Variants in ZMYND11 observed in about 807,000 individuals in gnomAD.
ZMYND11 encodes zinc finger MYND-type containing 11, also known as zinc finger MYND domain-containing protein 11.
In ZMYND11, 9 loss-of-function variants were observed where a neutral mutation model predicts 84.9. The observed-to-expected ratio is 0.11, with a 90% CI of 0.06 to 0.18. The LOEUF is 0.18. Ranked by LOEUF, ZMYND11 falls within the 10% of genes least tolerant of loss-of-function variation. The probability of loss-of-function intolerance (pLI) is 1.00; values close to 1 mark genes in which losing one functional copy is unlikely to be tolerated. For missense variants in ZMYND11, 409 were observed against 761.0 expected (o/e 0.54, Z 5.44); for synonymous variants, 250 against 244.1 (o/e 1.02, Z -0.23).
chr10:193,785 A>G (rs1165653200), intron 2 of ZMYND11, among the ~76,000 whole-genome samples: 1 of 152,134 alleles, frequency 6.6e-6, no homozygotes, highest in Non-Finnish European at 1.5e-5. Flanking sequence ...GGTCACTGTG[A>G]TTAGCTTTGC....
chr10:160,288 T>A (rs1328033666), intron 1 of ZMYND11, among the ~76,000 whole-genome samples: 1 of 152,236 alleles, frequency 6.6e-6, no homozygotes, highest in African/African-American at 2.4e-5. Context: ...ACAACAGTTA[T>A]GTCTAACAAG....
At chr10:141,242 T>C (rs1012641429) in intron 1 of ZMYND11, among the ~76,000 whole-genome samples, 4 of 152,222 alleles carry the variant, frequency 2.6e-5, no homozygotes, top group Non-Finnish European at 2.9e-5. Context: ...TATGCAATTT[T>C]AATATCTTGA....
At chr10:196,083 G>GTT (rs1941664873) in intron 2 of ZMYND11, among the ~76,000 whole-genome samples, 1 of 152,168 alleles carries the variant, frequency 6.6e-6, no homozygotes, top group Non-Finnish European at 1.5e-5. Context: ...CCATTCCACT[G>GTT]TTTTAGGTAA....
In ZMYND11 at chr10:196,012, A is replaced by G. The variant is rs1941639289; in HGVS notation, c.117-13877A>G. On this transcript the variant is annotated intron_variant, in intron 2 of 14. Coordinates refer to ENST00000381604, the MANE Select transcript of ZMYND11 (RefSeq NM_001370100.5). ...AGGATTAATTGTTCTGCATTGTCTA[A>G]TCACTGTTGTACTGTTCCCTGATGA... 2.0e-5 allele frequency among the ~76,000 whole-genome samples: 3 copies of G among 152,176 alleles called. 1 individual carries two copies. The highest frequency in any genetic ancestry group is 4.1e-4 in the South Asian group (2 of 4,830).
At position 246,823 on chromosome 10, in the gene ZMYND11, C is replaced by A. The variant is rs150625727; in HGVS notation, c.1008C>A (p.His336Gln). 5 of 1,613,972 alleles carry A rather than the reference C, an allele frequency of 3.1e-6. No homozygotes were observed. The highest frequency in any genetic ancestry group is 4.2e-6 in the Non-Finnish European group (5 of 1,180,036). The change falls in exon 11 of 15, where the codon CAC becomes CAA. Residue 336 changes from histidine (H) to glutamine (Q), a missense_variant. Physicochemically the swap from His to Gln is conservative, Grantham distance 24 (BLOSUM62 0). Around this residue, in one of 7 missense-constraint regions of ZMYND11, gnomAD observed 48 missense variants for 61.1 expected, o/e 0.79. Coordinates refer to ENST00000381604, the MANE Select transcript of ZMYND11 (RefSeq NM_001370100.5). ...QDITVNIHRL[H>Q]VKRSMGWKKA... Reference sequence around the variant, plus strand: ...TCACAGTCAACATTCATCGGCTGCACGTGAAGCGCAGTATGGGTTGGAAAA... The same window carrying A: ...TCACAGTCAACATTCATCGGCTGCAAGTGAAGCGCAGTATGGGTTGGAAAA...
chr10:160,929 C>T (rs1223670973), intron 1 of ZMYND11, among the ~76,000 whole-genome samples: 7 of 146,848 alleles, frequency 4.8e-5, no homozygotes, highest in African/African-American at 1.8e-4. Flanking sequence ...TTAATAAGAC[C>T]TGAAAGTTGA....
At chr10:161,201 T>TA (rs1345743532) in intron 1 of ZMYND11, among the ~76,000 whole-genome samples, 5 of 152,184 alleles carry the variant, frequency 3.3e-5, no homozygotes, top group Non-Finnish European at 5.9e-5. Flanking sequence ...AATCTCCCTG[T>TA]ACATCTCCAT....
Position 232,809 on chromosome 10 carries a change from C to T in ZMYND11, c.439-4029C>T, listed in dbSNP as rs183103283. 1.2e-3 allele frequency among the ~76,000 whole-genome samples: 180 copies of T among 152,316 alleles called. 1 individual carries two copies. Among genetic ancestry groups the T allele is most frequent in the African/African-American group, 4.2e-3 (176 of 41,584 alleles). On this transcript the variant is annotated intron_variant, in intron 4 of 14. Coordinates refer to ENST00000381604, the MANE Select transcript of ZMYND11 (RefSeq NM_001370100.5). ...CTGTAATAACTGAAGAAAAAACCAA[C>T]CCAAATACTTAAAACATAACTCCCA...
intron 4 of ZMYND11, among the ~76,000 whole-genome samples, chr10:233,813 C>T (rs1949437505): frequency 6.6e-6 from 1 of 152,200 alleles, no homozygotes; most frequent in South Asian, 2.1e-4. Context: ...TTAATTAAGG[C>T]ACTCAGCATG....
intron 1 of ZMYND11, among the ~76,000 whole-genome samples, chr10:143,024 C>T (rs1299353878): frequency 1.3e-5 from 2 of 152,180 alleles, no homozygotes; most frequent in Non-Finnish European, 2.9e-5. Flanking sequence ...TTGGAATTAA[C>T]ACCAACACTA....
intron 4 of ZMYND11, among the ~76,000 whole-genome samples, chr10:223,651 AT>A (rs1947553360): frequency 6.6e-6 from 1 of 152,178 alleles, no homozygotes; most frequent in South Asian, 2.1e-4. Flanking sequence ...AGAAATAGTT[AT>A]TCATTTTAGA....
At chr10:221,494 A>G (rs1947128316) in intron 4 of ZMYND11, 138 bp downstream of exon 4, 2 of 793,010 alleles carry the variant, frequency 2.5e-6, no homozygotes, top group Admixed American at 3.1e-5. Flanking sequence ...TGAAATGATG[A>G]TACTCATAAA....
At chr10:192,617 A>C (rs574728699) in intron 2 of ZMYND11, among the ~76,000 whole-genome samples, 182 of 152,316 alleles carry the variant, frequency 1.2e-3, no homozygotes, top group Non-Finnish European at 1.9e-3. Context: ...CAGGGTATGC[A>C]CACAGGTGCC....
chr10:196,641 G>A (rs368738495), intron 2 of ZMYND11, among the ~76,000 whole-genome samples: 3 of 152,038 alleles, frequency 2.0e-5, no homozygotes, highest in African/African-American at 7.2e-5. Context: ...ATACTAAGAA[G>A]CATTGTACAA....
intron 1 of ZMYND11, among the ~76,000 whole-genome samples, chr10:171,340 T>C (rs1226506378): frequency 6.6e-6 from 1 of 152,174 alleles, no homozygotes; most frequent in African/African-American, 2.4e-5. Flanking sequence ...ATCTATAGAT[T>C]ACATTATTCA....
intron 7 of ZMYND11, 68 bp downstream of exon 7, chr10:239,593 T>TCC: frequency 4.6e-6 from 5 of 1,097,314 alleles, no homozygotes; most frequent in Non-Finnish European, 6.8e-6. Context: ...TTGAACACTA[T>TCC]CTTTTATAAA....
chr10:185,023 G>A (rs1414612632), intron 2 of ZMYND11, among the ~76,000 whole-genome samples: 1 of 152,036 alleles, frequency 6.6e-6, no homozygotes, highest in African/African-American at 2.4e-5. Flanking sequence ...AAGGAACTGT[G>A]ACTGCTTAAT....
At chr10:132,056 A>G (rs1554750008), upstream of ZMYND11, among the ~76,000 whole-genome samples, 1 of 152,148 alleles carries the variant, frequency 6.6e-6, no homozygotes, top group Non-Finnish European at 1.5e-5. Flanking sequence ...ATAGAGGAGA[A>G]GATAAGGAGA....
At chr10:154,373 G>C (rs546392002) in intron 1 of ZMYND11, among the ~76,000 whole-genome samples, 93 of 152,250 alleles carry the variant, frequency 6.1e-4, no homozygotes, top group African/African-American at 2.2e-3. Flanking sequence ...CATTACACTT[G>C]GGGGCCACCA....
Sources: allele counts gnomAD v4.1 joint callset (sites outside exome capture counted in the v4.1 genomes callset), GRCh38; gene constraint gnomAD v4.1.1; regional missense constraint gnomAD v4.1.1; transcripts MANE v1.5; gene names NCBI Gene and HGNC (gene_info 2026-07-23, HGNC 2026-07-21).